AVL9: variants seen among roughly 807,000 people sequenced by gnomAD.
The protein encoded by AVL9 is AVL9 cell migration associated, also known as late secretory pathway protein AVL9 homolog.
AVL9 carries 49 observed loss-of-function variants against 79.2 expected under a neutral mutation model. The ratio of observed to expected loss-of-function variants is 0.62; its 90% CI spans 0.49 to 0.79. The LOEUF is 0.79. Among genes scored for constraint, AVL9 ranks in the 30% least tolerant of loss-of-function variants. The pLI, the probability that AVL9 is intolerant of heterozygous loss-of-function variation, is 0.00. For synonymous variants in AVL9, 299 were observed against 280.6 expected (o/e 1.07, Z -0.65); for missense variants, 682 against 776.8 (o/e 0.88, Z 1.45).
chr7:32,582,761 C>A (rs181153166), intron 15 of AVL9, among the ~76,000 whole-genome samples: 1 of 152,120 alleles, frequency 6.6e-6, no homozygotes, highest in Non-Finnish European at 1.5e-5. Context: ...GATCTTGGCT[C>A]ACTGCAATCC....
At chr7:32,499,318 T>A (rs1787013267) in intron 1 of AVL9, among the ~76,000 whole-genome samples, 1 of 151,804 alleles carries the variant, frequency 6.6e-6, no homozygotes, top group African/African-American at 2.4e-5. Flanking sequence ...CTACCAAAAT[T>A]TTTTGCTAAG....
intron 1 of AVL9, among the ~76,000 whole-genome samples, chr7:32,509,124 A>G (rs1168055643): frequency 2.6e-5 from 4 of 152,138 alleles, no homozygotes; most frequent in East Asian, 3.9e-4. Flanking sequence ...AGACTCTGCT[A>G]CCTTTCCCTT....
At chr7:32,543,847 A>G (rs1036397533) in intron 2 of AVL9, among the ~76,000 whole-genome samples, 2 of 151,846 alleles carry the variant, frequency 1.3e-5, no homozygotes, top group African/African-American at 4.8e-5. Flanking sequence ...TTACTATGGT[A>G]TTTGATGCTC....
chr7:32,534,350 T>G (rs1017389377), intron 1 of AVL9: 1 of 151,580 alleles, frequency 6.6e-6, no homozygotes, highest in African/African-American at 2.4e-5. Context: ...TTTGATACAT[T>G]TTTTATGCAT....
intron 11 of AVL9, among the ~76,000 whole-genome samples, chr7:32,571,825 G>A (rs114089240): frequency 0.03 from 4,534 of 152,048 alleles, 211 homozygotes; most frequent in African/African-American, 0.1. Flanking sequence ...TAACCTGTAC[G>A]TTACATGTAT....
intron 13 of AVL9, among the ~76,000 whole-genome samples, chr7:32,578,368 A>G (rs1747075261): frequency 6.6e-6 from 1 of 152,190 alleles, no homozygotes; most frequent in Non-Finnish European, 1.5e-5. Context: ...ATGCAAATCT[A>G]CCCCCAAAAA....
At chr7:32,523,589 C>G (rs751011350) in intron 1 of AVL9, among the ~76,000 whole-genome samples, 28 of 137,076 alleles carry the variant, frequency 2.0e-4, no homozygotes, top group Non-Finnish European at 2.6e-4. Context: ...AGTCTTGGCT[C>G]ACTGCAGCCT....
In AVL9 at chr7:32,512,081, G is replaced by A. The variant is rs555412784; in HGVS notation, c.93+16279G>A. ...AACATACATGCTCCCTTTTATTCTAGTGAGGAGGCCCCATCAATCAGGGAA... is the reference window on the plus strand; with the variant it reads ...AACATACATGCTCCCTTTTATTCTAATGAGGAGGCCCCATCAATCAGGGAA... On this transcript the variant is annotated intron_variant, in intron 1 of 15. Coordinates refer to ENST00000318709, the MANE Select transcript of AVL9 (RefSeq NM_015060.3). 5.9e-5 allele frequency among the ~76,000 whole-genome samples: 9 copies of A among 152,300 alleles called. No individual in the cohort carries two copies. In the South Asian group the frequency reaches 8.3e-4, roughly 14 times the overall value.
intron 8 of AVL9, 70 bp from the exon 9 acceptor site, chr7:32,558,489 T>G: frequency 8.1e-7 from 1 of 1,236,486 alleles, no homozygotes; most frequent in Non-Finnish European, 1.2e-6. Flanking sequence ...TTTTTCCCTC[T>G]TTTTTATTTG....
intron 1 of AVL9, chr7:32,535,327 A>T (rs6959103): frequency 0.36 from 53,947 of 151,780 alleles, 10,023 homozygotes; most frequent in African/African-American, 0.46. Flanking sequence ...CCTCCTGCTA[A>T]AGTTCGACGT....
intron 1 of AVL9, among the ~76,000 whole-genome samples, chr7:32,514,340 T>C (rs1256284023): frequency 3.9e-5 from 6 of 152,218 alleles, no homozygotes; most frequent in Non-Finnish European, 2.9e-5. Context: ...GAATGGAGAA[T>C]GGCGATGACT....
intron 1 of AVL9, chr7:32,538,133 A>T (rs748930845): frequency 1.3e-5 from 2 of 152,210 alleles, no homozygotes; most frequent in Non-Finnish European, 2.9e-5. Context: ...CCTTCAGTAG[A>T]GTTGCGAATT....
Position 32,495,811 on chromosome 7 carries a change from A to G in AVL9, c.93+9A>G. On this transcript the variant is annotated intron_variant, in intron 1 of 15. Transcript: ENST00000318709. Reference sequence around the variant, plus strand: ...ACAAGAAGGGCTGCCAGGTGAGGAAAGGGCCCGCCCCCGCCCCCAGCCGTT... The same window carrying G: ...ACAAGAAGGGCTGCCAGGTGAGGAAGGGGCCCGCCCCCGCCCCCAGCCGTT... 1 of 1,255,744 alleles carries G rather than the reference A, an allele frequency of 8.0e-7. No individual in the cohort carries two copies. The highest frequency in any genetic ancestry group is 1.0e-6 in the Non-Finnish European group (1 of 990,762). The allele number at this position is 1,255,744 out of a possible 1,614,324, so 77.8% of individuals were successfully genotyped here. A position where few individuals can be genotyped will look rare whatever the true frequency, so the allele number is the denominator to read the frequency against.
At position 32,554,616 on chromosome 7, in the gene AVL9, A is replaced by G; in HGVS notation, c.609+20A>G. 1.4e-6 allele frequency: 2 copies of G among 1,459,654 alleles called. No homozygotes were observed. The highest frequency in any genetic ancestry group is 1.8e-6 in the Non-Finnish European group (2 of 1,082,918). 90.4% of individuals were successfully genotyped at this position (1,459,654 alleles called of 1,614,324 possible). A position where few individuals can be genotyped will look rare whatever the true frequency, so the allele number is the denominator to read the frequency against. On this transcript the variant is annotated intron_variant, in intron 8 of 15. Transcript: ENST00000318709. ...AAAAAGGTACGATCCTAAGGGATGA[A>G]AGGAAAGATGGAGTATTTAACTTTT...
intron 15 of AVL9, chr7:32,581,099 A>T: frequency 1.9e-6 from 1 of 517,768 alleles, no homozygotes; most frequent in East Asian, 3.4e-5. Flanking sequence ...GAGTGACAAA[A>T]TTTTCTGATG....
chr7:32,496,013 A>G (rs1351180095), intron 1 of AVL9, among the ~76,000 whole-genome samples: 2 of 152,120 alleles, frequency 1.3e-5, no homozygotes, highest in Non-Finnish European at 2.9e-5. Context: ...CTGCCCCTGA[A>G]AAATGGTTGA....
At chr7:32,557,282 G>C (rs927266053) in intron 8 of AVL9, among the ~76,000 whole-genome samples, 1 of 151,850 alleles carries the variant, frequency 6.6e-6, no homozygotes, top group Non-Finnish European at 1.5e-5. Context: ...TGAACTCCTG[G>C]CCTCAAGTGA....
intron 3 of AVL9, among the ~76,000 whole-genome samples, chr7:32,546,721 G>C (rs1392040939): frequency 1.3e-5 from 2 of 152,084 alleles, no homozygotes; most frequent in Non-Finnish European, 2.9e-5. Flanking sequence ...TACTCGGGAG[G>C]CTGAGGCAGG....
intron 13 of AVL9, among the ~76,000 whole-genome samples, chr7:32,579,576 A>ATATATTATATATTATATATTATATAT (rs1296229771): frequency 8.8e-4 from 1 of 1,140 alleles, no homozygotes; most frequent in Non-Finnish European, 1.8e-3. Flanking sequence ...ATATTATATT[A>ATATATTATATATTATATATTATATAT]TATATTATAT....
Sources: allele counts gnomAD v4.1 joint callset (sites outside exome capture counted in the v4.1 genomes callset), GRCh38; gene constraint gnomAD v4.1.1; transcripts MANE v1.5; gene names NCBI Gene and HGNC (gene_info 2026-07-23, HGNC 2026-07-21).